Variants in PKD2L2 observed in about 807,000 individuals in gnomAD.
The protein encoded by PKD2L2 is polycystin 2 like 2, transient receptor potential cation channel.
In PKD2L2, 67 loss-of-function variants were observed where a neutral mutation model predicts 83.9. That is an observed-to-expected ratio of 0.80 (90% confidence interval 0.66 to 0.98). PKD2L2 has a LOEUF of 0.98. PKD2L2 is among the 50% of genes least tolerant of loss of function. The pLI is 0.00. For synonymous variants in PKD2L2, 223 were observed against 237.8 expected, an observed-to-expected ratio of 0.94 and a Z score of 0.57; for missense variants, 632 against 717.2, an observed-to-expected ratio of 0.88 and a Z score of 1.36.
intron 9 of PKD2L2, among the ~76,000 whole-genome samples, chr5:137,922,270 C>T (rs1261587794): frequency 6.6e-6 from 1 of 152,140 alleles, no homozygotes; most frequent in East Asian, 1.9e-4. Context: ...GGAAGTTATC[C>T]CCTGGTGACA....
rs978447634 is a variant in PKD2L2, at chr5:137,939,986, A to G, written c.*18-2398A>G. ...GTAGTACAAAACAATGAAGTAAACC[A>G]TATGTTTGCTAAAGGTGGAGAGGAC... On this transcript the variant is annotated intron_variant, in intron 14 of 14. Coordinates refer to ENST00000508883, the MANE Select transcript of PKD2L2 (RefSeq NM_001300921.2). 77 of 1,568,040 alleles carry G rather than the reference A, an allele frequency of 4.9e-5. No homozygotes were observed. The East Asian group carries it at 9.1e-4, about 19-fold the overall frequency.
In PKD2L2 at chr5:137,908,889, T is replaced by C; in HGVS notation, c.1271T>C (p.Leu424Ser). Residue 424 changes from leucine to serine, a missense_variant, in exon 8 of 15, where the codon TTA becomes TCA. Physicochemically the swap from Leu to Ser is moderately radical, Grantham distance 145. Around this residue, in one of 3 missense-constraint regions of PKD2L2, gnomAD observed 399 missense variants for 416.9 expected, o/e 0.96. Transcript: ENST00000508883. ...ATAATATTCTTTGCTTATGCCCAGT[T>C]AGGATTTCTTGTTTTTGGATCACAA... Reference protein sequence around the residue: ...FFIIFFAYAQLGFLVFGSQVD... With the variant: ...FFIIFFAYAQSGFLVFGSQVD... The C allele has an allele frequency of 6.2e-7, 1 of 1,609,802 alleles. No individual in the cohort carries two copies. The highest frequency in any genetic ancestry group is 8.5e-7 in the Non-Finnish European group (1 of 1,176,924).
intron 5 of PKD2L2, among the ~76,000 whole-genome samples, chr5:137,901,874 A>C (rs1756988347): frequency 6.6e-6 from 1 of 152,216 alleles, no homozygotes; most frequent in African/African-American, 2.4e-5. Context: ...TCGTTATTAA[A>C]AACTGTGAAA....
chr5:137,894,221 C>T, intron 3 of PKD2L2, 132 bp from the exon 4 acceptor site: 1 of 767,140 alleles, frequency 1.3e-6, no homozygotes. Flanking sequence ...ATTAGCATTA[C>T]CATTACCATT....
chr5:137,899,788 A>C (rs1756799355), intron 5 of PKD2L2, 51 bp downstream of exon 5: 2 of 979,440 alleles, frequency 2.0e-6, no homozygotes, highest in Non-Finnish European at 3.2e-6. Context: ...GGCCTACAAA[A>C]CTTCTTTATT....
Position 137,942,730 on chromosome 5 carries a change from G to C in PKD2L2, c.*364G>C, listed in dbSNP as rs1251801581. ...AAAATGGGAATGACAATAAATATTT[G>C]CAAATCACACTTGAAAAGCATGTGT... On this transcript the variant is annotated 3_prime_UTR_variant, in exon 15 of 15. Transcript: ENST00000508883. 1.6e-6 allele frequency: 1 copy of C among 623,786 alleles called. No homozygotes were observed. Among genetic ancestry groups the C allele is most frequent in the Non-Finnish European group, 2.6e-6 (1 of 385,766 alleles). The allele number at this position is 623,786 out of a possible 1,614,324, so 38.6% of individuals were successfully genotyped here.
At chr5:137,927,911 T>C (rs544163280) in intron 12 of PKD2L2, among the ~76,000 whole-genome samples, 1 of 152,164 alleles carries the variant, frequency 6.6e-6, no homozygotes, top group Non-Finnish European at 1.5e-5. Flanking sequence ...ACGCCTGTAA[T>C]CCCAGCACTT....
chr5:137,918,162 T>C (rs1052377161), intron 8 of PKD2L2, among the ~76,000 whole-genome samples: 3 of 152,236 alleles, frequency 2.0e-5, no homozygotes, highest in Non-Finnish European at 4.4e-5. Context: ...TTTTTTGTTC[T>C]TATTTTTTAT....
intron 12 of PKD2L2, among the ~76,000 whole-genome samples, chr5:137,934,260 T>C (rs4547919): frequency 0.98 from 149,292 of 152,236 alleles, 73,274 homozygotes; most frequent in Middle Eastern, 1. Context: ...GGTACCACTT[T>C]CCTCTAAGTG....
At chr5:137,913,465 T>C (rs949946337) in intron 8 of PKD2L2, among the ~76,000 whole-genome samples, 2 of 151,382 alleles carry the variant, frequency 1.3e-5, no homozygotes, top group African/African-American at 4.9e-5. Flanking sequence ...GATACAGCTG[T>C]GAGTCACTGT....
chr5:137,906,362 C>A lies in PKD2L2; in HGVS notation c.903C>A (p.Val301=). Residue 301 remains valine (V), a synonymous_variant, in exon 6 of 15, where the codon GTC becomes GTA. Transcript: ENST00000508883. ...TTTTTGTCTTCACAACACAAGAAGT[C>A]AAAAAAATAAAAGAATTTAAGTCTG... ...IFLFVFTTQE[V]KKIKEFKSAY... is the part of the protein sequence containing the mutation. 2 of 1,607,768 alleles carry A rather than the reference C, an allele frequency of 1.2e-6. No homozygotes were observed. The highest frequency in any genetic ancestry group is 2.2e-5 in the South Asian group (2 of 90,210).
intron 2 of PKD2L2, among the ~76,000 whole-genome samples, chr5:137,891,773 T>C (rs1287535648): frequency 6.6e-6 from 1 of 151,918 alleles, no homozygotes; most frequent in African/African-American, 2.4e-5. Context: ...AACCTCCACC[T>C]CCTGAGTTCA....
At position 137,925,099 on chromosome 5, in the gene PKD2L2, G is replaced by A; in HGVS notation, c.1611G>A (p.Lys537=). 6.3e-7 allele frequency: 1 copy of A among 1,582,588 alleles called. No individual in the cohort carries two copies. The highest frequency in any genetic ancestry group is 1.1e-5 in the South Asian group (1 of 90,236). ...AGAAAGCTCAAAAAGATGAAGACAAGAAAACGTAAGATGACTTCTCTCAAA... is the reference window on the plus strand; with the variant it reads ...AGAAAGCTCAAAAAGATGAAGACAAAAAAACGTAAGATGACTTCTCTCAAA... ...RLKKAQKDED[K]KTKGSGDLAE... Residue 537 remains lysine, a synonymous_variant, in exon 11 of 15, where the codon AAG becomes AAA. Coordinates refer to ENST00000508883, the MANE Select transcript of PKD2L2 (RefSeq NM_001300921.2).
Position 137,892,614 on chromosome 5 carries a change from G to A in PKD2L2, c.267+1G>A, listed in dbSNP as rs747239546. The A allele has an allele frequency of 1.2e-6, 2 of 1,610,862 alleles. No individual in the cohort carries two copies. Among genetic ancestry groups the A allele is most frequent in the South Asian group, 1.1e-5 (1 of 90,302 alleles). ...TCGCAGCATAACTGATTTTTGGAAG[G>A]TAAAGTATCTTGTGACTGTGGATGA... On this transcript the variant is annotated splice_donor_variant, in intron 3 of 14. Transcript: ENST00000508883. LOFTEE classifies it high-confidence loss of function.
intron 6 of PKD2L2, among the ~76,000 whole-genome samples, chr5:137,907,162 C>T (rs976069316): frequency 2.6e-4 from 39 of 152,268 alleles, no homozygotes; most frequent in African/African-American, 9.1e-4. Flanking sequence ...TTCTGAGAGT[C>T]AGAAAGCATG....
intron 12 of PKD2L2, among the ~76,000 whole-genome samples, chr5:137,931,547 A>G (rs987849347): frequency 1.3e-5 from 2 of 152,208 alleles, no homozygotes; most frequent in African/African-American, 2.4e-5. Flanking sequence ...CAACTAATCA[A>G]CGTAATTCAT....
intron 4 of PKD2L2, among the ~76,000 whole-genome samples, chr5:137,897,564 A>C (rs1476219895): frequency 6.6e-6 from 1 of 152,226 alleles, no homozygotes; most frequent in Non-Finnish European, 1.5e-5. Flanking sequence ...CTGTACTGGA[A>C]TTGTGAATTA....
At chr5:137,931,887 A>T (rs1326339404) in intron 12 of PKD2L2, among the ~76,000 whole-genome samples, 1 of 152,228 alleles carries the variant, frequency 6.6e-6, no homozygotes, top group Non-Finnish European at 1.5e-5. Flanking sequence ...TACAATAAAA[A>T]GATAATTAGG....
chr5:137,912,505 T>G (rs1757919943), intron 8 of PKD2L2, among the ~76,000 whole-genome samples: 1 of 152,036 alleles, frequency 6.6e-6, no homozygotes, highest in Non-Finnish European at 1.5e-5. Flanking sequence ...TAGCTGGCAT[T>G]ACAGGCATGC....
Sources: gnomAD v4.1 joint callset for allele counts (sites outside exome capture counted in the v4.1 genomes callset) on GRCh38, gnomAD v4.1.1 for gene constraint, gnomAD v4.1.1 regional missense constraint, MANE v1.5 for transcripts, NCBI Gene and HGNC (gene_info 2026-07-23, HGNC 2026-07-21) for gene names.